ARHGEF12: variants seen among roughly 807,000 people sequenced by gnomAD.
ARHGEF12 encodes KMT2A/ARHGEF12 fusion protein.
A neutral mutation model predicts 211.2 loss-of-function variants in ARHGEF12; 66 were observed. The ratio of observed to expected loss-of-function variants is 0.31; its 90% CI spans 0.26 to 0.38. The LOEUF (loss-of-function observed/expected upper bound fraction) is 0.38. Ranked by LOEUF, ARHGEF12 falls within the 10% of genes least tolerant of loss-of-function variation. The pLI is 1.00. For synonymous variants in ARHGEF12, 592 were observed against 638.4 expected, an observed-to-expected ratio of 0.93 and a Z score of 1.09; for missense variants, 1,429 against 1,869.5, an observed-to-expected ratio of 0.76 and a Z score of 4.34.
In ARHGEF12 at chr11:120,347,531, C is replaced by T. The variant is rs117336253; in HGVS notation, c.32+10256C>T. Among the ~76,000 whole-genome samples, 119 of 152,136 alleles carry T rather than the reference C, an allele frequency of 7.8e-4. 6 individuals carry two copies. The East Asian group carries it at 0.022, about 28-fold the overall frequency. ...CCTGTGTTCACCCATGCCATTTGCT[C>T]TGTGGAGAAAGGATCTATCATATCT... On this transcript the variant is annotated intron_variant, in intron 1 of 40. Transcript: ENST00000397843.
intron 1 of ARHGEF12, 171 bp from the exon 2 acceptor site, chr11:120,405,947 T>C (rs772597564): frequency 3.7e-6 from 2 of 537,234 alleles, no homozygotes; most frequent in Non-Finnish European, 6.4e-6. Flanking sequence ...GTAGTTAAGA[T>C]ACTTAAACAT....
intron 4 of ARHGEF12, among the ~76,000 whole-genome samples, chr11:120,419,245 C>T (rs1034590810): frequency 6.6e-6 from 1 of 152,030 alleles, no homozygotes; most frequent in African/African-American, 2.4e-5. Flanking sequence ...CAGGCCCGGC[C>T]TGCCTTTTCA....
intron 21 of ARHGEF12, 188 bp downstream of exon 21, chr11:120,449,402 C>T: frequency 1.8e-6 from 1 of 545,446 alleles, no homozygotes; most frequent in East Asian, 3.0e-5. Flanking sequence ...ACATAATTGT[C>T]ATAAACATCT....
intron 11 of ARHGEF12, 39 bp from the exon 12 acceptor site, chr11:120,437,269 C>G (rs771492950): frequency 7.1e-7 from 1 of 1,415,678 alleles, no homozygotes; most frequent in South Asian, 1.3e-5. Flanking sequence ...TTTTGGTGTG[C>G]CTATTGAAAT....
intron 11 of ARHGEF12, among the ~76,000 whole-genome samples, chr11:120,433,935 G>A (rs1945621593): frequency 6.6e-6 from 1 of 152,106 alleles, no homozygotes; most frequent in Non-Finnish European, 1.5e-5. Flanking sequence ...TCCAGCATGG[G>A]TGACAGAGCA....
At chr11:120,340,620 GC>G (rs1198003197) in intron 1 of ARHGEF12, among the ~76,000 whole-genome samples, 2 of 152,066 alleles carry the variant, frequency 1.3e-5, no homozygotes, top group East Asian at 3.9e-4. Flanking sequence ...AAAAAAAAGA[GC>G]TACTCATGTT....
At chr11:120,455,726 T>C (rs1348216105) in intron 22 of ARHGEF12, among the ~76,000 whole-genome samples, 2 of 152,158 alleles carry the variant, frequency 1.3e-5, no homozygotes, top group African/African-American at 2.4e-5. Flanking sequence ...CTGCTCCAGA[T>C]TGGAACACAA....
chr11:120,449,727 A>AG (rs2135833906), intron 21 of ARHGEF12: 1 of 152,216 alleles, frequency 6.6e-6, no homozygotes, highest in African/African-American at 2.4e-5. Context: ...AAAGAAAAAA[A>AG]AAAAACGAAA....
At chr11:120,406,801 G>A (rs550293617) in intron 2 of ARHGEF12, among the ~76,000 whole-genome samples, 3 of 152,004 alleles carry the variant, frequency 2.0e-5, no homozygotes, top group Admixed American at 2.0e-4. Context: ...CTCGTGATTC[G>A]CCCGCCTCAG....
intron 36 of ARHGEF12, 97 bp downstream of exon 36, chr11:120,477,623 G>A (rs1947087551): frequency 2.5e-6 from 3 of 1,184,222 alleles, no homozygotes; most frequent in Admixed American, 2.1e-5. Context: ...CCAGTGCTTT[G>A]GGAGGTCGAG....
chr11:120,487,953 C>T lies in ARHGEF12; in HGVS notation c.*2876C>T, dbSNP rs546955472. 4 of 219,458 alleles carry T rather than the reference C, an allele frequency of 1.8e-5. No individual in the cohort carries two copies. Among genetic ancestry groups the T allele is most frequent in the Admixed American group, 5.8e-5 (1 of 17,298 alleles). 13.6% of individuals were successfully genotyped at this position (219,458 alleles called of 1,614,324 possible). On this transcript the variant is annotated 3_prime_UTR_variant, in exon 41 of 41. Coordinates refer to ENST00000397843, the MANE Select transcript of ARHGEF12 (RefSeq NM_015313.3). ...CTTGAATTACATTGGCTTTTAGAAC[C>T]GAAATTGTAACTATGTATTGTATTT... is the stretch of plus-strand genomic sequence containing the variant.
chr11:120,342,407 G>C (rs1424674200), intron 1 of ARHGEF12, among the ~76,000 whole-genome samples: 1 of 152,080 alleles, frequency 6.6e-6, no homozygotes, highest in Non-Finnish European at 1.5e-5. Flanking sequence ...TGTACTTGCT[G>C]TACCAGGCTA....
chr11:120,440,091 A>G (rs752513034), intron 12 of ARHGEF12, 38 bp from the exon 13 acceptor site: 3 of 1,427,708 alleles, frequency 2.1e-6, no homozygotes, highest in Non-Finnish European at 2.9e-6. Flanking sequence ...TTTGACCACC[A>G]GGTAATTTTT....
At chr11:120,399,268 C>A (rs1944478822) in intron 1 of ARHGEF12, among the ~76,000 whole-genome samples, 1 of 121,874 alleles carries the variant, frequency 8.2e-6, no homozygotes. Context: ...TTACAGTGAC[C>A]TATGATTGTG....
intron 1 of ARHGEF12, among the ~76,000 whole-genome samples, chr11:120,372,442 A>G (rs1386786823): frequency 6.6e-6 from 1 of 152,092 alleles, no homozygotes; most frequent in African/African-American, 2.4e-5. Flanking sequence ...ATACCCTGTC[A>G]TATACTGGCC....
At chr11:120,341,388 T>C (rs1206996764) in intron 1 of ARHGEF12, among the ~76,000 whole-genome samples, 1 of 106,216 alleles carries the variant, frequency 9.4e-6, no homozygotes, top group East Asian at 2.4e-4. Context: ...TGTTGTTTTT[T>C]AACTAAGTTT....
At chr11:120,419,041 G>A (rs1945108875) in intron 4 of ARHGEF12, among the ~76,000 whole-genome samples, 1 of 151,224 alleles carries the variant, frequency 6.6e-6, no homozygotes, top group Non-Finnish European at 1.5e-5. Flanking sequence ...TCCCAGGTTG[G>A]ACCCGCCTCC....
chr11:120,349,888 A>G (rs552012203), intron 1 of ARHGEF12, among the ~76,000 whole-genome samples: 52 of 152,256 alleles, frequency 3.4e-4, no homozygotes, highest in East Asian at 9.7e-4. Flanking sequence ...CTTATCTTTT[A>G]TATTTCAGGC....
intron 22 of ARHGEF12, among the ~76,000 whole-genome samples, chr11:120,455,521 T>G (rs557855808): frequency 6.6e-6 from 1 of 152,358 alleles, no homozygotes; most frequent in African/African-American, 2.4e-5. Context: ...AAAGACATTT[T>G]CAGATACACA....
Sources: gnomAD v4.1 joint callset for allele counts (sites outside exome capture counted in the v4.1 genomes callset) on GRCh38, gnomAD v4.1.1 for gene constraint, MANE v1.5 for transcripts, NCBI Gene and HGNC (gene_info 2026-07-23, HGNC 2026-07-21) for gene names.